The following CCSER1 variants were observed in gnomAD, a reference collection of about 807,000 sequenced individuals.
The protein encoded by CCSER1 is coiled-coil serine rich protein 1, also known as serine-rich coiled-coil domain-containing protein 1.
Under a neutral mutation model 82.0 loss-of-function variants are expected in CCSER1, and 41 were observed. That is an observed-to-expected ratio of 0.50 (90% CI 0.39 to 0.65). The LOEUF (loss-of-function observed/expected upper bound fraction) is 0.65. CCSER1 is among the 30% of genes least tolerant of loss of function. The probability of loss-of-function intolerance (pLI) is 0.00; values close to 1 mark genes in which losing one functional copy is unlikely to be tolerated. For missense variants in CCSER1, 1,119 were observed against 1,064.2 expected (o/e 1.05, Z -0.72); for synonymous variants, 414 against 383.9 (o/e 1.08, Z -0.92).
At chr4:90,955,943 G>T (rs984760267) in intron 9 of CCSER1, among the ~76,000 whole-genome samples, 4 of 152,078 alleles carry the variant, frequency 2.6e-5, no homozygotes, top group African/African-American at 9.7e-5. Flanking sequence ...CAGATGTAAT[G>T]TTCTGCACAA....
intron 3 of CCSER1, among the ~76,000 whole-genome samples, chr4:90,351,923 G>A (rs1743517491): frequency 1.3e-5 from 2 of 152,096 alleles, no homozygotes; most frequent in South Asian, 4.2e-4. Flanking sequence ...TTTTGTGTGT[G>A]TTTTTAAATA....
chr4:91,318,127 T>C (rs1012908800), intron 10 of CCSER1, among the ~76,000 whole-genome samples: 3 of 151,786 alleles, frequency 2.0e-5, no homozygotes, highest in Admixed American at 6.6e-5. Context: ...TGGGGAGGGA[T>C]TTATGGAGTA....
At chr4:91,304,150 C>T (rs1250289768) in intron 10 of CCSER1, among the ~76,000 whole-genome samples, 1 of 151,810 alleles carries the variant, frequency 6.6e-6, no homozygotes, top group African/African-American at 2.4e-5. Flanking sequence ...TTTCAAAATC[C>T]TTAATGTTCT....
rs574354874 is a variant in CCSER1, at chr4:91,381,455, C to CT, written c.2218-217111dup. Among the ~76,000 whole-genome samples, 168 of 152,158 alleles carry CT rather than the reference C, an allele frequency of 1.1e-3. 3 individuals are homozygous for CT. Among genetic ancestry groups the CT allele is most frequent in the Non-Finnish European group, 1.1e-3 (72 of 68,022 alleles). ...GAGGCTTTGTTCATTTATTTTTACTCTTTTTTCTGTAAACTTTTCTCACTT... is the reference window on the plus strand; with the variant it reads ...GAGGCTTTGTTCATTTATTTTTACTCTTTTTTTCTGTAAACTTTTCTCACTT... On this transcript the variant is annotated intron_variant, in intron 10 of 10. Coordinates refer to ENST00000509176, the MANE Select transcript of CCSER1 (RefSeq NM_001145065.2).
chr4:90,881,317 CAG>C (rs374153449), intron 8 of CCSER1, among the ~76,000 whole-genome samples: 1,704 of 149,828 alleles, frequency 0.011, 14 homozygotes, highest in Non-Finnish European at 0.016. Flanking sequence ...GACAGACAGA[CAG>C]AGAGAGAGAG....
At chr4:90,286,591 T>C (rs1729944616) in intron 1 of CCSER1, among the ~76,000 whole-genome samples, 1 of 152,026 alleles carries the variant, frequency 6.6e-6, no homozygotes, top group African/African-American at 2.4e-5. Context: ...TTATGCAAAG[T>C]GAAATTTTGA....
chr4:91,096,033 A>G (rs1485192072), intron 10 of CCSER1, among the ~76,000 whole-genome samples: 1 of 152,232 alleles, frequency 6.6e-6, no homozygotes, highest in Admixed American at 6.5e-5. Flanking sequence ...GAGCAAGTCA[A>G]TTAGAGCTTC....
At chr4:91,349,487 G>T (rs1351873429) in intron 10 of CCSER1, among the ~76,000 whole-genome samples, 1 of 152,122 alleles carries the variant, frequency 6.6e-6, no homozygotes, top group Non-Finnish European at 1.5e-5. Flanking sequence ...TTCTGTTACT[G>T]AGCCTGTGCA....
intron 9 of CCSER1, among the ~76,000 whole-genome samples, chr4:91,061,411 T>G (rs2148736852): frequency 6.6e-6 from 1 of 152,186 alleles, no homozygotes; most frequent in African/African-American, 2.4e-5. Flanking sequence ...AAGATTTTTC[T>G]CAGCCCTCTC....
At chr4:91,584,857 A>T (rs1298462041) in intron 10 of CCSER1, among the ~76,000 whole-genome samples, 1 of 151,486 alleles carries the variant, frequency 6.6e-6, no homozygotes, top group Non-Finnish European at 1.5e-5. Flanking sequence ...AATTACTATA[A>T]TATGGAACTT....
chr4:91,202,614 CATT>C (rs1735994008), intron 10 of CCSER1, among the ~76,000 whole-genome samples: 1 of 151,908 alleles, frequency 6.6e-6, no homozygotes, highest in Non-Finnish European at 1.5e-5. Context: ...AATCTCAAAG[CATT>C]ATTACCAGAA....
chr4:90,315,129 C>T (rs1290610123), intron 3 of CCSER1, among the ~76,000 whole-genome samples: 3 of 151,970 alleles, frequency 2.0e-5, no homozygotes, highest in South Asian at 2.1e-4. Context: ...GGATTACAAG[C>T]GTGAGCCACC....
At chr4:91,183,494 C>T (rs912748736) in intron 10 of CCSER1, among the ~76,000 whole-genome samples, 1 of 152,096 alleles carries the variant, frequency 6.6e-6, no homozygotes, top group African/African-American at 2.4e-5. Context: ...ATCAGCAATA[C>T]CCACAAAGCT....
intron 5 of CCSER1, among the ~76,000 whole-genome samples, chr4:90,469,109 T>C (rs777988904): frequency 6.6e-6 from 1 of 152,092 alleles, no homozygotes; most frequent in Non-Finnish European, 1.5e-5. Flanking sequence ...CTGCCAAGGA[T>C]TTTGGGCTGA....
At chr4:91,439,917 A>C (rs564545303) in intron 10 of CCSER1, among the ~76,000 whole-genome samples, 1 of 152,198 alleles carries the variant, frequency 6.6e-6, no homozygotes, top group Non-Finnish European at 1.5e-5. Flanking sequence ...AGAACTAACT[A>C]TCCTAAATAT....
intron 1 of CCSER1, among the ~76,000 whole-genome samples, chr4:90,230,457 G>A (rs1282937377): frequency 6.6e-6 from 1 of 151,202 alleles, no homozygotes; most frequent in Non-Finnish European, 1.5e-5. Flanking sequence ...GAATCTCTGG[G>A]ATGCATTCAA....
At chr4:90,519,823 C>G (rs1254476755) in intron 5 of CCSER1, among the ~76,000 whole-genome samples, 1 of 151,984 alleles carries the variant, frequency 6.6e-6, no homozygotes, top group African/African-American at 2.4e-5. Flanking sequence ...ATTTAATTAT[C>G]TCAGAACATC....
intron 5 of CCSER1, among the ~76,000 whole-genome samples, chr4:90,471,977 CA>C (rs370562546): frequency 2.2e-4 from 31 of 139,756 alleles, no homozygotes; most frequent in Admixed American, 2.1e-4. Context: ...AACGCCATCT[CA>C]AAAAAAAAAA....
intron 5 of CCSER1, among the ~76,000 whole-genome samples, chr4:90,613,783 AAAAC>A (rs377662349): frequency 1.1e-3 from 173 of 152,302 alleles, no homozygotes; most frequent in African/African-American, 4.0e-3. Context: ...TGTGCAGGAA[AAAAC>A]AAACAGACAT....
Sources: gnomAD v4.1 joint callset for allele counts (sites outside exome capture counted in the v4.1 genomes callset) on GRCh38, gnomAD v4.1.1 for gene constraint, MANE v1.5 for transcripts, NCBI Gene and HGNC (gene_info 2026-07-23, HGNC 2026-07-21) for gene names.